Variants in USP6NL observed in about 807,000 individuals in gnomAD.
The protein encoded by USP6NL is USP6 N-terminal-like protein.
In USP6NL, 26 loss-of-function variants were observed where a neutral mutation model predicts 61.9. The ratio of observed to expected loss-of-function variants is 0.42; its 90% CI spans 0.31 to 0.58. The LOEUF is 0.58. Among genes scored for constraint, USP6NL ranks in the 20% least tolerant of loss-of-function variants. USP6NL has a pLI of 0.16. For missense variants in USP6NL, 1,114 were observed against 1,034.3 expected (o/e 1.08, Z -1.06); for synonymous variants, 432 against 390.1 (o/e 1.11, Z -1.27).
At chr10:11,567,315 A>G (rs972760308) in intron 2 of USP6NL, among the ~76,000 whole-genome samples, 2 of 152,224 alleles carry the variant, frequency 1.3e-5, no homozygotes, top group Non-Finnish European at 2.9e-5. Flanking sequence ...TTACCAACTT[A>G]CTTCAAAAAC....
rs570201557 is a variant in USP6NL at position 11,525,684 on chromosome 10, T to C, written c.73-216A>G. Reference sequence around the variant, plus strand: ...ATTTCCTAGTTATGACTCTGGAAGATGCTGTGTGTCAGCAGCAGCTGACGC... The same window carrying C: ...ATTTCCTAGTTATGACTCTGGAAGACGCTGTGTGTCAGCAGCAGCTGACGC... On this transcript the variant is annotated intron_variant, in intron 3 of 14. Transcript: ENST00000609104. This position sits in a 1 kb window ranked among gnomAD's most constrained non-coding sequence, Gnocchi z 5.0. 1.2e-4 allele frequency among the ~76,000 whole-genome samples: 18 copies of C among 152,342 alleles called. No homozygotes were observed. Among genetic ancestry groups the C allele is most frequent in the African/African-American group, 4.3e-4 (18 of 41,586 alleles).
intron 2 of USP6NL, among the ~76,000 whole-genome samples, chr10:11,571,391 A>T (rs965749774): frequency 6.6e-6 from 1 of 151,956 alleles, no homozygotes; most frequent in Admixed American, 6.6e-5. Flanking sequence ...CAGCCCCCAA[A>T]ATAATTTTTA....
At chr10:11,480,596 G>A (rs1433301804) in intron 14 of USP6NL, among the ~76,000 whole-genome samples, 1 of 152,230 alleles carries the variant, frequency 6.6e-6, no homozygotes, top group Non-Finnish European at 1.5e-5. Flanking sequence ...TGCTTCCTAG[G>A]AGCCTGGATG....
chr10:11,551,098 G>T (rs906797911), intron 2 of USP6NL, among the ~76,000 whole-genome samples: 4 of 152,102 alleles, frequency 2.6e-5, no homozygotes, highest in Non-Finnish European at 4.4e-5. Flanking sequence ...ATATAAAATT[G>T]TATCATACTG....
chr10:11,515,075 G>A lies in USP6NL; in HGVS notation c.195+3460C>T, dbSNP rs572765024. 2.0e-3 allele frequency among the ~76,000 whole-genome samples: 308 copies of A among 152,284 alleles called. 8 individuals are homozygous for A. The highest frequency in any genetic ancestry group is 0.01 in the Middle Eastern group (3 of 292). On this transcript the variant is annotated intron_variant, in intron 5 of 14. Transcript: ENST00000609104. The stretch of plus-strand genomic sequence containing the variant: ...CTCTCCTACTGGGGCAAAGAAGGTC[G>A]AAGGATTAAAACTGGAACCAATATC...
intron 10 of USP6NL, among the ~76,000 whole-genome samples, chr10:11,488,467 G>A (rs996275339): frequency 1.3e-5 from 2 of 152,086 alleles, no homozygotes; most frequent in Non-Finnish European, 2.9e-5. Flanking sequence ...GCAAAAACAA[G>A]GAAACAGTTA....
At chr10:11,484,829 T>C in intron 13 of USP6NL, 142 bp downstream of exon 13, 1 of 589,572 alleles carries the variant, frequency 1.7e-6, no homozygotes, top group Non-Finnish European at 2.8e-6. Context: ...TACCAATTGA[T>C]GATAATTTCT....
Position 11,482,274 on chromosome 10 carries a change from C to G in USP6NL, c.926-352G>C, listed in dbSNP as rs1274968980. On this transcript the variant is annotated intron_variant, in intron 13 of 14. Transcript: ENST00000609104. This position sits in a 1 kb window ranked among gnomAD's most constrained non-coding sequence, Gnocchi z 4.0. ...CTACCTCAGCCGGCATGAGGCCTTT[C>G]TCTTTTATTGATACGGAGCTCCAAG... Among the ~76,000 whole-genome samples the G allele has an allele frequency of 6.6e-6, 1 of 152,240 alleles. No homozygotes were observed. The highest frequency in any genetic ancestry group is 1.5e-5 in the Non-Finnish European group (1 of 68,036).
At position 11,595,111 on chromosome 10, in the gene USP6NL, G is replaced by A. The variant is rs1172094917; in HGVS notation, c.4+2520C>T. 2.0e-5 allele frequency among the ~76,000 whole-genome samples: 3 copies of A among 152,156 alleles called. No individual in the cohort carries two copies. ...AAGGCGTTAAGTCCCCGATGGCATT[G>A]TTCTTTCTCTGTAGCTTCCCCTTCT... On this transcript the variant is annotated intron_variant, in intron 2 of 14. Coordinates refer to ENST00000609104, the MANE Select transcript of USP6NL (RefSeq NM_014688.5). This position sits in a 1 kb window ranked among gnomAD's most constrained non-coding sequence, Gnocchi z 5.3.
At chr10:11,524,834 T>A (rs1835353871) in intron 4 of USP6NL, among the ~76,000 whole-genome samples, 1 of 152,158 alleles carries the variant, frequency 6.6e-6, no homozygotes, top group South Asian at 2.1e-4. Flanking sequence ...CAGATTCATA[T>A]CATGTGAAGG....
At chr10:11,502,770 T>TA (rs1178682958) in intron 6 of USP6NL, among the ~76,000 whole-genome samples, 3 of 152,214 alleles carry the variant, frequency 2.0e-5, no homozygotes, top group Non-Finnish European at 2.9e-5. Context: ...GTGAATACTG[T>TA]AAGGTTGATT....
chr10:11,505,137 T>C (rs1834380136), intron 6 of USP6NL, among the ~76,000 whole-genome samples: 1 of 152,156 alleles, frequency 6.6e-6, no homozygotes, highest in African/African-American at 2.4e-5. Context: ...GAACTAATCC[T>C]GTGTGAGAGA....
At chr10:11,486,076 T>A (rs1341779875) in intron 10 of USP6NL, among the ~76,000 whole-genome samples, 165 bp from the exon 11 acceptor site, 2 of 152,018 alleles carry the variant, frequency 1.3e-5, no homozygotes, top group Non-Finnish European at 2.9e-5. Context: ...TATATAAGCT[T>A]TGGGTAATGA....
intron 2 of USP6NL, among the ~76,000 whole-genome samples, chr10:11,557,717 G>C (rs1219565670): frequency 6.6e-6 from 1 of 152,172 alleles, no homozygotes; most frequent in East Asian, 1.9e-4. Context: ...AGAGACTCTA[G>C]TGCATGAGGA....
intron 1 of USP6NL, among the ~76,000 whole-genome samples, chr10:11,605,196 T>C (rs1485308467): frequency 6.6e-6 from 1 of 152,154 alleles, no homozygotes; most frequent in Non-Finnish European, 1.5e-5. Flanking sequence ...GTTTGCCTAA[T>C]CAAAGAGGTG....
chr10:11,610,009 C>T (rs1838837267), intron 1 of USP6NL, among the ~76,000 whole-genome samples: 1 of 152,166 alleles, frequency 6.6e-6, no homozygotes, highest in African/African-American at 2.4e-5. Context: ...GCTCAGGGCC[C>T]AAATTCTTAA....
At chr10:11,484,399 T>G (rs1833370405) in intron 13 of USP6NL, among the ~76,000 whole-genome samples, 1 of 151,210 alleles carries the variant, frequency 6.6e-6, no homozygotes, top group African/African-American at 2.4e-5. Context: ...TTCTCCAGTT[T>G]TTTTTTTTTT....
At chr10:11,560,702 A>T (rs1032734894) in intron 2 of USP6NL, among the ~76,000 whole-genome samples, 17 of 122,608 alleles carry the variant, frequency 1.4e-4, no homozygotes, top group South Asian at 3.2e-4. Context: ...AACAGTAAAA[A>T]ATATATATAT....
At chr10:11,606,356 T>C (rs942213056) in intron 1 of USP6NL, among the ~76,000 whole-genome samples, 2 of 152,236 alleles carry the variant, frequency 1.3e-5, no homozygotes, top group Non-Finnish European at 2.9e-5. Flanking sequence ...CTAAATGGTA[T>C]CTTTAGGCAG....
Sources: gnomAD v4.1 joint callset for allele counts (sites outside exome capture counted in the v4.1 genomes callset) on GRCh38, gnomAD v4.1.1 for gene constraint, Gnocchi (gnomAD v3.1) non-coding constraint, MANE v1.5 for transcripts, NCBI Gene and HGNC (gene_info 2026-07-23, HGNC 2026-07-21) for gene names.